The following VPS53 variants were observed in gnomAD, a reference collection of about 807,000 sequenced individuals.
VPS53 encodes the protein vacuolar protein sorting-associated protein 53 homolog.
Under a neutral mutation model 107.0 loss-of-function variants are expected in VPS53, and 70 were observed. The observed-to-expected ratio is 0.65, with a 90% CI of 0.54 to 0.80. The LOEUF (loss-of-function observed/expected upper bound fraction) is 0.80, where lower values mean the gene tolerates loss of function less well. VPS53 is among the 30% of genes least tolerant of loss of function. The pLI is 0.00. For synonymous variants in VPS53, 409 were observed against 393.3 expected (o/e 1.04, Z -0.47); for missense variants, 917 against 1,049.4 (o/e 0.87, Z 1.74).
At chr17:651,646 G>A (rs1057202667) in intron 7 of VPS53, among the ~76,000 whole-genome samples, 9 of 152,282 alleles carry the variant, frequency 5.9e-5, no homozygotes, top group African/African-American at 1.7e-4. Context: ...GAAACTTAAG[G>A]AAAACAAAGA....
At position 653,401 on chromosome 17, in the gene VPS53, G is replaced by C; in HGVS notation, c.498C>G (p.Thr166=). 2 of 1,614,232 alleles carry C rather than the reference G, an allele frequency of 1.2e-6. No individual in the cohort carries two copies. Among genetic ancestry groups the C allele is most frequent in the Non-Finnish European group, 1.7e-6 (2 of 1,180,040 alleles). ...AGGVDSLEAM[T]RRRQYGEVAN... is the part of the protein sequence containing the mutation. ...CAACTTCTCCGTATTGTCTTCGCCTGGTCATGGCTCTGCAAGGAAAGAATA... is the reference window on the plus strand; with the variant it reads ...CAACTTCTCCGTATTGTCTTCGCCTCGTCATGGCTCTGCAAGGAAAGAATA... The change falls in exon 7 of 22, where the codon ACC becomes ACG. Residue 166 remains threonine, a synonymous_variant. Transcript: ENST00000437048.
intron 17 of VPS53, among the ~76,000 whole-genome samples, chr17:543,781 A>AAAG: frequency 8.4e-6 from 1 of 118,872 alleles, no homozygotes; most frequent in East Asian, 2.9e-4. Flanking sequence ...AATATGAAGA[A>AAAG]GAGAAGGAAG....
chr17:570,104 C>T (rs906542467), intron 13 of VPS53, among the ~76,000 whole-genome samples: 26 of 151,900 alleles, frequency 1.7e-4, no homozygotes, highest in African/African-American at 6.0e-4. Flanking sequence ...TGGTAGCTCA[C>T]GCCTGTAATC....
Position 543,783 on chromosome 17 carries a change from A to AGAAGGAAGGAAGGAAG in VPS53, c.1867-6623_1867-6608dup, listed in dbSNP as rs1195835497. On this transcript the variant is annotated intron_variant, in intron 17 of 21. Transcript: ENST00000437048. Reference sequence around the variant, plus strand: ...TGGCTTTGGGCATAATATGAAGAAGAGAAGGAAGGAAGGAAGGAAGGAAGG... The same window carrying AGAAGGAAGGAAGGAAG: ...TGGCTTTGGGCATAATATGAAGAAGAGAAGGAAGGAAGGAAGGAAGGAAGGAAGGAAGGAAGGAAGG... Among the ~76,000 whole-genome samples the AGAAGGAAGGAAGGAAG allele has an allele frequency of 6.8e-3, 295 of 43,162 alleles. 23 individuals carry two copies. In the East Asian group the frequency reaches 0.073, roughly 11 times the overall value. 28.3% of individuals were successfully genotyped at this position (43,162 alleles called of 152,430 possible). A position where few individuals can be genotyped will look rare whatever the true frequency, so the allele number is the denominator to read the frequency against.
At chr17:546,337 A>T (rs997833333) in intron 17 of VPS53, among the ~76,000 whole-genome samples, 4 of 103,502 alleles carry the variant, frequency 3.9e-5, no homozygotes, top group African/African-American at 1.4e-4. Flanking sequence ...TCTCACACAC[A>T]CACACACACA....
intron 15 of VPS53, among the ~76,000 whole-genome samples, chr17:558,795 C>A (rs1420419982): frequency 6.7e-6 from 1 of 150,292 alleles, no homozygotes; most frequent in African/African-American, 2.5e-5. Context: ...ATCAGCCTGG[C>A]CAAGATGGTG....
rs1907783011 is a variant in VPS53, at chr17:509,281, C to A, written c.*9847G>T. 1 of 152,048 alleles carries A rather than the reference C, an allele frequency of 6.6e-6. No individual in the cohort carries two copies. The highest frequency in any genetic ancestry group is 1.9e-4 in the South Asian group (1 of 5,286). The allele number at this position is 152,048 out of a possible 1,614,324, so 9.4% of individuals were successfully genotyped here. A position where few individuals can be genotyped will look rare whatever the true frequency, so the allele number is the denominator to read the frequency against. ...CCTGGCTGGCTCACCCCTTACTAGC[C>A]ACATATCAAATCCTGGCTGACCCCT... On this transcript the variant is annotated 3_prime_UTR_variant, in exon 22 of 22. Coordinates refer to ENST00000437048, the MANE Select transcript of VPS53 (RefSeq NM_001128159.3).
chr17:702,865 G>C (rs1406961978), intron 2 of VPS53, among the ~76,000 whole-genome samples: 1 of 151,898 alleles, frequency 6.6e-6, no homozygotes, highest in African/African-American at 2.4e-5. Flanking sequence ...AATCCCCTCT[G>C]CCAGGCGAGG....
chr17:638,049 C>A (rs950737237), intron 7 of VPS53, among the ~76,000 whole-genome samples: 3 of 152,180 alleles, frequency 2.0e-5, no homozygotes, highest in Non-Finnish European at 4.4e-5. Context: ...GTGTGGGAGT[C>A]TAAGTCTCTT....
chr17:646,026 C>T (rs1260552868), intron 7 of VPS53, among the ~76,000 whole-genome samples: 2 of 120,748 alleles, frequency 1.7e-5, no homozygotes, highest in African/African-American at 2.9e-5. Flanking sequence ...AGACTGGCTC[C>T]CACACACATC....
At chr17:565,254 T>C (rs1326053476) in intron 13 of VPS53, among the ~76,000 whole-genome samples, 1 of 151,242 alleles carries the variant, frequency 6.6e-6, no homozygotes, top group Non-Finnish European at 1.5e-5. Flanking sequence ...ACACAAAAAA[T>C]TAGCCAGGCG....
chr17:606,498 C>T (rs764578997), intron 11 of VPS53, among the ~76,000 whole-genome samples: 7 of 152,012 alleles, frequency 4.6e-5, no homozygotes, highest in South Asian at 4.1e-4. Flanking sequence ...TGGGATGATG[C>T]GTGCGTGTCA....
chr17:618,762 A>C lies in VPS53; in HGVS notation c.1116+4771T>G, dbSNP rs528804609. Among the ~76,000 whole-genome samples, 20 of 147,968 alleles carry C rather than the reference A, an allele frequency of 1.4e-4. No homozygotes were observed. In the East Asian group the frequency reaches 3.7e-3, roughly 27 times the overall value. ...AGGCGTGCACCACCATGCCCCGCTA[A>C]TATTTCCCGGGTAACTGTGACTACA... On this transcript the variant is annotated intron_variant, in intron 11 of 21. Coordinates refer to ENST00000437048, the MANE Select transcript of VPS53 (RefSeq NM_001128159.3).
At chr17:708,215 G>C (rs187060904) in intron 2 of VPS53, among the ~76,000 whole-genome samples, 1 of 152,148 alleles carries the variant, frequency 6.6e-6, no homozygotes, top group Non-Finnish European at 1.5e-5. Flanking sequence ...CCGAATGCCT[G>C]GACCCACTGC....
At chr17:656,663 T>C in intron 5 of VPS53, 1 of 553,392 alleles carries the variant, frequency 1.8e-6, no homozygotes, top group South Asian at 2.4e-5. Flanking sequence ...CCAGGTGAAA[T>C]CATCCACTGT....
chr17:657,500 C>T (rs1971241535), intron 5 of VPS53: 18 of 1,488,914 alleles, frequency 1.2e-5, no homozygotes, highest in African/African-American at 2.8e-5. Context: ...GCATCCAATG[C>T]TTTGGAGCTG....
At chr17:528,291 C>T (rs1367891564) in intron 19 of VPS53, among the ~76,000 whole-genome samples, 1 of 152,152 alleles carries the variant, frequency 6.6e-6, no homozygotes, top group Non-Finnish European at 1.5e-5. Flanking sequence ...ACCATTAATC[C>T]ACTTTCTGTT....
chr17:714,491 T>G, intron 1 of VPS53, 132 bp downstream of exon 1: 2 of 791,360 alleles, frequency 2.5e-6, no homozygotes, highest in South Asian at 3.4e-5. Context: ...CCGCACCACC[T>G]CCCCACCTCC....
intron 6 of VPS53, 102 bp from the exon 7 acceptor site, chr17:653,512 C>A: frequency 6.4e-7 from 1 of 1,552,010 alleles, no homozygotes; most frequent in Non-Finnish European, 8.7e-7. Context: ...ATCAACTCAG[C>A]TGAATCAACG....
Sources: allele counts gnomAD v4.1 joint callset (sites outside exome capture counted in the v4.1 genomes callset), GRCh38; gene constraint gnomAD v4.1.1; transcripts MANE v1.5; gene names NCBI Gene and HGNC (gene_info 2026-07-23, HGNC 2026-07-21).